The following DIP2C variants were observed in gnomAD, a reference collection of about 807,000 sequenced individuals.
The protein encoded by DIP2C is disco-interacting protein 2 homolog C.
Under a neutral mutation model 192.4 loss-of-function variants are expected in DIP2C, and 33 were observed. That is an observed-to-expected ratio of 0.17 (90% confidence interval 0.13 to 0.23). The LOEUF is 0.23. Ranked by LOEUF, DIP2C falls within the 10% of genes least tolerant of loss-of-function variation. DIP2C has a pLI of 1.00. For missense variants in DIP2C, 1,537 were observed against 2,110.1 expected (o/e 0.73, Z 5.32); for synonymous variants, 979 against 864.1 (o/e 1.13, Z -2.33).
intron 14 of DIP2C, among the ~76,000 whole-genome samples, chr10:386,468 G>C (rs577126066): frequency 6.9e-4 from 105 of 152,136 alleles, no homozygotes; most frequent in African/African-American, 2.3e-3. Context: ...CTGGGAACAA[G>C]CTGCTCCATC....
chr10:345,559 C>CGT (rs1958410938), intron 26 of DIP2C, among the ~76,000 whole-genome samples: 1 of 64,042 alleles, frequency 1.6e-5, no homozygotes, highest in Non-Finnish European at 3.1e-5. Context: ...CGGAAACCCC[C>CGT]CACACCCCCA....
At chr10:458,684 A>G (rs374191804) in intron 3 of DIP2C, among the ~76,000 whole-genome samples, 6 of 145,150 alleles carry the variant, frequency 4.1e-5, no homozygotes, top group African/African-American at 1.5e-4. Context: ...CTGCCTCACC[A>G]GCAGCGCATG....
intron 1 of DIP2C, among the ~76,000 whole-genome samples, chr10:598,069 G>A (rs780874413): frequency 5.3e-5 from 8 of 152,362 alleles, no homozygotes; most frequent in Non-Finnish European, 8.8e-5. Context: ...GACCTGCAGA[G>A]TCAGCACAAG....
intron 32 of DIP2C, among the ~76,000 whole-genome samples, chr10:301,737 C>G (rs1956059823): frequency 6.6e-6 from 1 of 152,202 alleles, no homozygotes. Context: ...GTAACCGCGT[C>G]CTCGCCCGCT....
At chr10:435,532 T>A (rs1967108912) in intron 4 of DIP2C, among the ~76,000 whole-genome samples, 1 of 152,172 alleles carries the variant, frequency 6.6e-6, no homozygotes, top group South Asian at 2.1e-4. Context: ...GGTTTTCCAA[T>A]CCCAGCGGGG....
chr10:637,864 A>T (rs985138198), intron 1 of DIP2C, among the ~76,000 whole-genome samples: 4 of 152,158 alleles, frequency 2.6e-5, no homozygotes, highest in African/African-American at 9.7e-5. Context: ...ACTGATTCTA[A>T]ATCACCGTCC....
At chr10:337,202 C>T (rs1446682206) in intron 29 of DIP2C, among the ~76,000 whole-genome samples, 2 of 63,414 alleles carry the variant, frequency 3.2e-5, no homozygotes, top group Non-Finnish European at 3.0e-5. Flanking sequence ...AGGCAGCTGT[C>T]TGTGTGTGCA....
At position 651,141 on chromosome 10, in the gene DIP2C, G is replaced by A. The variant is rs1308459429; in HGVS notation, c.85+38353C>T. 5 of 717,440 alleles carry A rather than the reference G, an allele frequency of 7.0e-6. No individual in the cohort carries two copies. Among genetic ancestry groups the A allele is most frequent in the Non-Finnish European group, 1.3e-5 (5 of 385,088 alleles). The allele number at this position is 717,440 out of a possible 1,614,324, so 44.4% of individuals were successfully genotyped here. On this transcript the variant is annotated intron_variant, in intron 1 of 36. Coordinates refer to ENST00000280886, the MANE Select transcript of DIP2C (RefSeq NM_014974.3). The surrounding 1 kb of genome is among the most constrained non-coding windows in gnomAD (Gnocchi z 4.1). The stretch of plus-strand genomic sequence containing the variant: ...GCCACACTCAGTCAATGTCCACTGG[G>A]GGCCTCAGGGGCACCTCCACCTGCC...
intron 13 of DIP2C, among the ~76,000 whole-genome samples, chr10:389,206 G>C (rs1484041530): frequency 7.2e-5 from 11 of 151,860 alleles, no homozygotes; most frequent in Admixed American, 7.2e-4. Context: ...GGGGCATGGG[G>C]GTTCTCAAGG....
At chr10:525,850 T>A (rs1006361739) in intron 1 of DIP2C, among the ~76,000 whole-genome samples, 2 of 152,156 alleles carry the variant, frequency 1.3e-5, no homozygotes, top group African/African-American at 4.8e-5. Flanking sequence ...CTGGATGGAA[T>A]CCCTGGAGGG....
At chr10:596,738 G>A (rs1375370237) in intron 1 of DIP2C, among the ~76,000 whole-genome samples, 2 of 152,128 alleles carry the variant, frequency 1.3e-5, no homozygotes, top group African/African-American at 4.8e-5. Context: ...TGGCTTCACA[G>A]AGCACCCGGC....
chr10:424,244 A>G (rs1966413637), intron 4 of DIP2C, among the ~76,000 whole-genome samples: 1 of 151,974 alleles, frequency 6.6e-6, no homozygotes, highest in Non-Finnish European at 1.5e-5. Flanking sequence ...CAAACAATAT[A>G]CACACTTATT....
chr10:632,535 A>G (rs1246317896), intron 1 of DIP2C, among the ~76,000 whole-genome samples: 1 of 41,160 alleles, frequency 2.4e-5, no homozygotes, highest in African/African-American at 1.2e-4. Flanking sequence ...GTAACTGGAG[A>G]CCACGCGGGC....
intron 32 of DIP2C, among the ~76,000 whole-genome samples, chr10:302,402 T>C (rs1409630380): frequency 1.3e-5 from 2 of 152,186 alleles, no homozygotes; most frequent in African/African-American, 2.4e-5. Context: ...GTTAAATTCA[T>C]TGCAGCCAAA....
At chr10:520,674 T>TGG (rs939078358) in intron 1 of DIP2C, among the ~76,000 whole-genome samples, 1 of 152,234 alleles carries the variant, frequency 6.6e-6, no homozygotes, top group Non-Finnish European at 1.5e-5. Flanking sequence ...GAGCCTGCAC[T>TGG]GGCCCAGGAT....
intron 1 of DIP2C, among the ~76,000 whole-genome samples, chr10:634,041 A>G (rs904747027): frequency 2.6e-5 from 4 of 152,164 alleles, no homozygotes; most frequent in Admixed American, 1.3e-4. Context: ...GCCTTCCAGA[A>G]AGCAGTCCTG....
At chr10:443,039 A>G (rs1256714034) in intron 3 of DIP2C, among the ~76,000 whole-genome samples, 1 of 152,204 alleles carries the variant, frequency 6.6e-6, no homozygotes, top group African/African-American at 2.4e-5. Context: ...AAGAGTATGC[A>G]TTTTAGCAGG....
intron 3 of DIP2C, among the ~76,000 whole-genome samples, chr10:441,832 C>G (rs147563098): frequency 1.0e-3 from 154 of 152,342 alleles, no homozygotes; most frequent in African/African-American, 3.6e-3. Flanking sequence ...TCCACACATT[C>G]ACCAAGTGCC....
At chr10:285,809 G>A (rs1021661077) in intron 34 of DIP2C, among the ~76,000 whole-genome samples, 1 of 152,226 alleles carries the variant, frequency 6.6e-6, no homozygotes, top group East Asian at 1.9e-4. Flanking sequence ...ATGAGGCAAA[G>A]GTGTCAAGTT....
Sources: allele counts gnomAD v4.1 joint callset (sites outside exome capture counted in the v4.1 genomes callset), GRCh38; gene constraint gnomAD v4.1.1; non-coding constraint Gnocchi (gnomAD v3.1); transcripts MANE v1.5; gene names NCBI Gene and HGNC (gene_info 2026-07-23, HGNC 2026-07-21).